PIBF1: variants seen among roughly 807,000 people sequenced by gnomAD.
The protein encoded by PIBF1 is progesterone immunomodulatory binding factor 1.
Under a neutral mutation model 112.5 loss-of-function variants are expected in PIBF1, and 90 were observed. The ratio of observed to expected loss-of-function variants is 0.80; its 90% CI spans 0.67 to 0.95. The LOEUF is 0.95. PIBF1 is among the 40% of genes least tolerant of loss of function. The pLI, the probability that PIBF1 is intolerant of heterozygous loss-of-function variation, is 0.00. For synonymous variants in PIBF1, 301 were observed against 288.6 expected, an observed-to-expected ratio of 1.04 and a Z score of -0.44; for missense variants, 915 against 852.3, an observed-to-expected ratio of 1.07 and a Z score of -0.92.
At chr13:72,963,542 T>C (rs113219916) in intron 14 of PIBF1, among the ~76,000 whole-genome samples, 35,721 of 152,006 alleles carry the variant, frequency 0.23, 5,135 homozygotes, top group African/African-American at 0.4. Flanking sequence ...TGCAGTGAGC[T>C]GAGATCGCAC....
At chr13:72,784,275 TAAAAAA>T (rs5804646) in intron 2 of PIBF1, among the ~76,000 whole-genome samples, 1 of 123,988 alleles carries the variant, frequency 8.1e-6, no homozygotes, top group Admixed American at 8.3e-5. Flanking sequence ...CAGCTCTACT[TAAAAAA>T]AAAAAAAAAA....
intron 13 of PIBF1, among the ~76,000 whole-genome samples, chr13:72,928,489 G>A (rs1199892470): frequency 6.6e-6 from 1 of 152,100 alleles, no homozygotes; most frequent in Non-Finnish European, 1.5e-5. Context: ...CCCCAGGCTG[G>A]AGTGTGATGG....
chr13:72,792,379 G>A (rs2034977536), intron 2 of PIBF1, 68 bp from the exon 3 acceptor site: 5 of 957,764 alleles, frequency 5.2e-6, no homozygotes, highest in Non-Finnish European at 8.0e-6. Context: ...TTTAAAATAT[G>A]TTTATTATGA....
rs912120555 is a variant in PIBF1, at chr13:72,987,353, G to A, written c.2050-11469G>A. On this transcript the variant is annotated intron_variant, in intron 16 of 17. Coordinates refer to ENST00000326291, the MANE Select transcript of PIBF1 (RefSeq NM_006346.4). The stretch of plus-strand genomic sequence containing the variant: ...GAAACGGGAGTGTTTTGGTTTTATA[G>A]TTGAGTAAGGAAAACCTAGATTAAT... 4.2e-4 allele frequency among the ~76,000 whole-genome samples: 62 copies of A among 148,420 alleles called. 1 individual carries two copies. Among genetic ancestry groups the A allele is most frequent in the African/African-American group, 1.5e-3 (62 of 40,222 alleles).
At chr13:73,003,221 T>C (rs1333732005) in intron 17 of PIBF1, among the ~76,000 whole-genome samples, 1 of 152,040 alleles carries the variant, frequency 6.6e-6, no homozygotes, top group African/African-American at 2.4e-5. Flanking sequence ...TAGAAGAGCT[T>C]TGGAAAGCTA....
At chr13:72,926,274 A>G (rs1194373259) in intron 13 of PIBF1, among the ~76,000 whole-genome samples, 1 of 152,232 alleles carries the variant, frequency 6.6e-6, no homozygotes, top group Non-Finnish European at 1.5e-5. Context: ...ACTCAGCAAT[A>G]TATGCATATG....
chr13:72,976,175 A>G (rs2043016617), intron 16 of PIBF1, among the ~76,000 whole-genome samples: 1 of 152,146 alleles, frequency 6.6e-6, no homozygotes, highest in Admixed American at 6.6e-5. Context: ...AGGCAGGAGG[A>G]TCACTTGAGC....
chr13:73,004,502 AAAG>A (rs796503416), intron 17 of PIBF1, among the ~76,000 whole-genome samples: 54 of 88,618 alleles, frequency 6.1e-4, no homozygotes, highest in African/African-American at 1.6e-3. Context: ...AAAAAAAAAA[AAAG>A]AAAGAAAAGA....
chr13:72,799,347 T>C (rs899813949), intron 5 of PIBF1, among the ~76,000 whole-genome samples: 16 of 152,226 alleles, frequency 1.1e-4, no homozygotes, highest in African/African-American at 3.9e-4. Flanking sequence ...TGCTGTACTA[T>C]TAGTCTTAGA....
At position 72,829,944 on chromosome 13, in the gene PIBF1, G is replaced by A. The variant is rs113697217; in HGVS notation, c.1097+2030G>A. Among the ~76,000 whole-genome samples, 657 of 152,052 alleles carry A rather than the reference G, an allele frequency of 4.3e-3. 9 individuals are homozygous for A. The highest frequency in any genetic ancestry group is 0.015 in the African/African-American group (608 of 41,468). On this transcript the variant is annotated intron_variant, in intron 8 of 17. Coordinates refer to ENST00000326291, the MANE Select transcript of PIBF1 (RefSeq NM_006346.4). The stretch of plus-strand genomic sequence containing the variant: ...TGTTTTTCCATTTGTTTATGTCCTC[G>A]CTTATTTCTTTGAGCAGTGGTTTGT...
chr13:72,945,431 A>G (rs1357743321), intron 14 of PIBF1, among the ~76,000 whole-genome samples: 1 of 152,190 alleles, frequency 6.6e-6, no homozygotes, highest in African/African-American at 2.4e-5. Context: ...GTTGAATGAT[A>G]GCTGTGTTTC....
At chr13:72,844,728 TACACACACACACACACAC>T (rs1156334355) in intron 9 of PIBF1, among the ~76,000 whole-genome samples, 701 of 53,228 alleles carry the variant, frequency 0.013, 18 homozygotes, top group Middle Eastern at 0.064. Flanking sequence ...TAATTTTATT[TACACACACACACACACAC>T]ACACACACAC....
intron 11 of PIBF1, among the ~76,000 whole-genome samples, chr13:72,895,453 A>C (rs1397777821): frequency 1.3e-5 from 2 of 151,856 alleles, no homozygotes; most frequent in Non-Finnish European, 2.9e-5. Flanking sequence ...TTCGCCTTCT[A>C]CATAAATAAG....
intron 10 of PIBF1, among the ~76,000 whole-genome samples, chr13:72,866,389 A>G (rs1271671130): frequency 6.6e-6 from 1 of 152,196 alleles, no homozygotes; most frequent in Non-Finnish European, 1.5e-5. Context: ...TGAGTTCTTC[A>G]ATAAAGGTAA....
intron 7 of PIBF1, among the ~76,000 whole-genome samples, chr13:72,827,349 A>G (rs778737202): frequency 4.7e-4 from 71 of 150,180 alleles, no homozygotes; most frequent in African/African-American, 3.9e-4. Flanking sequence ...CCCAGGTTCA[A>G]ACGATTCTCC....
rs562902964 is a variant in PIBF1, at chr13:72,828,393, A to G, written c.1097+479A>G. 2.6e-5 allele frequency among the ~76,000 whole-genome samples: 4 copies of G among 151,900 alleles called. No individual in the cohort carries two copies. The East Asian group carries it at 7.7e-4, about 29-fold the overall frequency. ...CTGCACCCATCAACCCGTCACCTAC[A>G]TTAGATATTTCTCCTAATGTTATCC... is the stretch of plus-strand genomic sequence containing the variant. On this transcript the variant is annotated intron_variant, in intron 8 of 17. Transcript: ENST00000326291.
intron 5 of PIBF1, among the ~76,000 whole-genome samples, chr13:72,809,194 T>C (rs2035886570): frequency 6.6e-6 from 1 of 150,588 alleles, no homozygotes; most frequent in Non-Finnish European, 1.5e-5. Flanking sequence ...AATGTGATTA[T>C]TTTTGAGCTA....
At chr13:72,861,606 C>T (rs1230848498) in intron 10 of PIBF1, among the ~76,000 whole-genome samples, 1 of 152,082 alleles carries the variant, frequency 6.6e-6, no homozygotes, top group Non-Finnish European at 1.5e-5. Context: ...TAATCTGCTA[C>T]TAGGCCAGAG....
chr13:72,858,824 T>G (rs1215679331), intron 10 of PIBF1, among the ~76,000 whole-genome samples: 3 of 152,184 alleles, frequency 2.0e-5, no homozygotes, highest in Non-Finnish European at 4.4e-5. Context: ...ATACTCCTGG[T>G]GAACAATGGG....
Sources: gnomAD v4.1 joint callset for allele counts (sites outside exome capture counted in the v4.1 genomes callset) on GRCh38, gnomAD v4.1.1 for gene constraint, MANE v1.5 for transcripts, NCBI Gene and HGNC (gene_info 2026-07-23, HGNC 2026-07-21) for gene names.